OSBPL3: variants seen among roughly 807,000 people sequenced by gnomAD.
OSBPL3 encodes oxysterol-binding protein-related protein 3.
In OSBPL3, 65 loss-of-function variants were observed where a neutral mutation model predicts 120.1. That is an observed-to-expected ratio of 0.54 (90% CI 0.44 to 0.67). The LOEUF is 0.67. Among genes scored for constraint, OSBPL3 ranks in the 30% least tolerant of loss-of-function variants. The pLI is 0.00. For synonymous variants in OSBPL3, 416 were observed against 402.6 expected, an observed-to-expected ratio of 1.03 and a Z score of -0.40; for missense variants, 1,004 against 1,082.1, an observed-to-expected ratio of 0.93 and a Z score of 1.01.
In OSBPL3 at chr7:24,831,752, G is replaced by A. The variant is rs971608333; in HGVS notation, c.1747-847C>T. 3.3e-5 allele frequency among the ~76,000 whole-genome samples: 5 copies of A among 152,148 alleles called. No homozygotes were observed. Among genetic ancestry groups the A allele is most frequent in the African/African-American group, 4.8e-5 (2 of 41,424 alleles). On this transcript the variant is annotated intron_variant, in intron 15 of 22. Coordinates refer to ENST00000313367, the MANE Select transcript of OSBPL3 (RefSeq NM_015550.4). The surrounding 1 kb of genome is among the most constrained non-coding windows in gnomAD (Gnocchi z 4.0). ...AGATTTCTTCTTCCCAGCACATTTC[G>A]TGCAGTTTCTTATACTGAAGAAGAG... is the stretch of plus-strand genomic sequence containing the variant.
intron 17 of OSBPL3, 85 bp from the exon 18 acceptor site, chr7:24,816,773 C>G: frequency 1.2e-6 from 1 of 856,116 alleles, no homozygotes; most frequent in Non-Finnish European, 2.0e-6. Flanking sequence ...TGATCAATCG[C>G]TATATAGTAC....
rs1173259677 is a variant in OSBPL3, at chr7:24,937,082, C to G, written c.-150+42804G>C. Among the ~76,000 whole-genome samples, 3 of 152,168 alleles carry G rather than the reference C, an allele frequency of 2.0e-5. No homozygotes were observed. The highest frequency in any genetic ancestry group is 7.2e-5 in the African/African-American group (3 of 41,442). Reference sequence around the variant, plus strand: ...CAGTTCAGCATGGCTGGGGAAGCCTCAGGAAACTTACAATCATGGCAGAAG... The same window carrying G: ...CAGTTCAGCATGGCTGGGGAAGCCTGAGGAAACTTACAATCATGGCAGAAG... On this transcript the variant is annotated intron_variant, in intron 1 of 22. Transcript: ENST00000313367. This position sits in a 1 kb window ranked among gnomAD's most constrained non-coding sequence, Gnocchi z 4.0.
Position 24,967,876 on chromosome 7 carries a change from A to G in OSBPL3, c.-150+12010T>C, listed in dbSNP as rs1275517425. Among the ~76,000 whole-genome samples, 1 of 152,098 alleles carries G rather than the reference A, an allele frequency of 6.6e-6. No homozygotes were observed. The highest frequency in any genetic ancestry group is 6.5e-5 in the Admixed American group (1 of 15,276). The stretch of plus-strand genomic sequence containing the variant: ...GGACATGTCTGTGCTGATACCACCC[A>G]TACACTTCAAGCTCAGCATATTCAA... On this transcript the variant is annotated intron_variant, in intron 1 of 22. Transcript: ENST00000313367. This position sits in a 1 kb window ranked among gnomAD's most constrained non-coding sequence, Gnocchi z 5.6.
At chr7:24,915,195 A>C (rs979553526) in intron 1 of OSBPL3, among the ~76,000 whole-genome samples, 1 of 152,190 alleles carries the variant, frequency 6.6e-6, no homozygotes, top group Non-Finnish European at 1.5e-5. Context: ...GGCCTGCTGG[A>C]AAGTTGTTAA....
At chr7:24,864,202 C>A (rs999742131) in intron 7 of OSBPL3, among the ~76,000 whole-genome samples, 1 of 152,198 alleles carries the variant, frequency 6.6e-6, no homozygotes, top group African/African-American at 2.4e-5. Flanking sequence ...CCAACCAGAT[C>A]CCAGTCGCTA....
Position 24,922,416 on chromosome 7 carries a change from A to C in OSBPL3, c.-149-29795T>G, listed in dbSNP as rs1333001186. 2.0e-5 allele frequency among the ~76,000 whole-genome samples: 3 copies of C among 152,124 alleles called. No individual in the cohort carries two copies. Among genetic ancestry groups the C allele is most frequent in the African/African-American group, 7.2e-5 (3 of 41,426 alleles). On this transcript the variant is annotated intron_variant, in intron 1 of 22. Transcript: ENST00000313367. This position sits in a 1 kb window ranked among gnomAD's most constrained non-coding sequence, Gnocchi z 4.3. The stretch of plus-strand genomic sequence containing the variant: ...AACAATTCCCTCTCAGGGGAATTGT[A>C]TGGCTGAGTGACCAGCGTGGGAGGG...
At position 24,836,466 on chromosome 7, in the gene OSBPL3, T is replaced by C. The variant is rs567974390; in HGVS notation, c.1496-1730A>G. Among the ~76,000 whole-genome samples, 121 of 152,338 alleles carry C rather than the reference T, an allele frequency of 7.9e-4. 3 individuals carry two copies. The South Asian group carries it at 0.019, about 24-fold the overall frequency. On this transcript the variant is annotated intron_variant, in intron 14 of 22. Transcript: ENST00000313367. ...CCATACTCTCTTGTTTTATATTTGTTTTACAATTCAATCCCCACTTGGTAT... is the reference window on the plus strand; with the variant it reads ...CCATACTCTCTTGTTTTATATTTGTCTTACAATTCAATCCCCACTTGGTAT...
At chr7:24,868,850 C>A (rs1230642814) in intron 5 of OSBPL3, among the ~76,000 whole-genome samples, 2 of 152,164 alleles carry the variant, frequency 1.3e-5, no homozygotes, top group Non-Finnish European at 2.9e-5. Context: ...TAAGTCAGTG[C>A]CCAAGCACTC....
At chr7:24,880,509 C>A (rs1489027036) in intron 2 of OSBPL3, among the ~76,000 whole-genome samples, 1 of 152,176 alleles carries the variant, frequency 6.6e-6, no homozygotes, top group Non-Finnish European at 1.5e-5. Context: ...TCAATAAAGA[C>A]AAGATAGCTC....
At chr7:24,915,231 C>G (rs1174131266) in intron 1 of OSBPL3, among the ~76,000 whole-genome samples, 1 of 152,110 alleles carries the variant, frequency 6.6e-6, no homozygotes, top group Non-Finnish European at 1.5e-5. Context: ...AGAAACTCAC[C>G]AAGAAAATAG....
At chr7:24,970,502 G>C (rs1176698938) in intron 1 of OSBPL3, among the ~76,000 whole-genome samples, 1 of 152,020 alleles carries the variant, frequency 6.6e-6, no homozygotes, top group Admixed American at 6.6e-5. Context: ...CTCCTCCTGA[G>C]CTCCTATAGC....
chr7:24,801,234 A>G (rs1792301910), intron 22 of OSBPL3, among the ~76,000 whole-genome samples: 1 of 109,118 alleles, frequency 9.2e-6, no homozygotes, highest in East Asian at 3.1e-4. Context: ...ACAGAGCAAG[A>G]CTCCTTCTCA....
intron 20 of OSBPL3, among the ~76,000 whole-genome samples, chr7:24,807,331 A>G (rs1471029307): frequency 1.3e-5 from 2 of 152,014 alleles, no homozygotes; most frequent in Non-Finnish European, 2.9e-5. Flanking sequence ...CATCTCTACT[A>G]AAAATACAAA....
intron 1 of OSBPL3, among the ~76,000 whole-genome samples, chr7:24,973,513 G>A (rs1051682154): frequency 1.3e-5 from 2 of 152,116 alleles, no homozygotes; most frequent in African/African-American, 4.8e-5. Flanking sequence ...TACAAACAAT[G>A]TGGCTAAGAA....
chr7:24,974,360 A>T (rs114151925), intron 1 of OSBPL3, among the ~76,000 whole-genome samples: 50 of 152,376 alleles, frequency 3.3e-4, no homozygotes, highest in African/African-American at 1.2e-3. Flanking sequence ...TGTTCAAATC[A>T]GTAGGTAAAC....
chr7:24,981,018 T>C (rs1818281448), upstream of OSBPL3, among the ~76,000 whole-genome samples: 1 of 152,066 alleles, frequency 6.6e-6, no homozygotes, highest in Non-Finnish European at 1.5e-5. The surrounding 1 kb of genome is among the most constrained non-coding windows in gnomAD (Gnocchi z 7.3). Context: ...GGGAAGGGCA[T>C]GAGCATTTAG....
rs1175207041 is a variant in OSBPL3 at position 24,879,191 on chromosome 7, G to T, written c.97-7122C>A. Among the ~76,000 whole-genome samples, 1 of 152,154 alleles carries T rather than the reference G, an allele frequency of 6.6e-6. No individual in the cohort carries two copies. The highest frequency in any genetic ancestry group is 2.4e-5 in the African/African-American group (1 of 41,452). ...GATTCCAAGACTGGCAGGGAGTTTA[G>T]AACAAGTGAGCTATGAGATCCTTTC... On this transcript the variant is annotated intron_variant, in intron 2 of 22. Transcript: ENST00000313367. This position sits in a 1 kb window ranked among gnomAD's most constrained non-coding sequence, Gnocchi z 5.6.
At chr7:24,963,079 G>A (rs995689098) in intron 1 of OSBPL3, among the ~76,000 whole-genome samples, 1 of 152,098 alleles carries the variant, frequency 6.6e-6, no homozygotes, top group African/African-American at 2.4e-5. Context: ...AGGAAAATAA[G>A]CTTCTTGGCA....
In OSBPL3 at chr7:24,930,264, A is replaced by T. The variant is rs771329993; in HGVS notation, c.-149-37643T>A. ...TTTCAGTTCCAAGGAAATATGCACT[A>T]AAATAAAAAAAATGTGCAAATAAAA... On this transcript the variant is annotated intron_variant, in intron 1 of 22. Coordinates refer to ENST00000313367, the MANE Select transcript of OSBPL3 (RefSeq NM_015550.4). The surrounding 1 kb of genome is among the most constrained non-coding windows in gnomAD (Gnocchi z 4.4). Among the ~76,000 whole-genome samples, 52 of 151,720 alleles carry T rather than the reference A, an allele frequency of 3.4e-4. No individual in the cohort carries two copies. The highest frequency in any genetic ancestry group is 6.3e-4 in the Non-Finnish European group (43 of 67,748).
Sources: allele counts gnomAD v4.1 joint callset (sites outside exome capture counted in the v4.1 genomes callset), GRCh38; gene constraint gnomAD v4.1.1; non-coding constraint Gnocchi (gnomAD v3.1); transcripts MANE v1.5; gene names NCBI Gene and HGNC (gene_info 2026-07-23, HGNC 2026-07-21).